LSM6: variants seen among roughly 807,000 people sequenced by gnomAD.
The protein encoded by LSM6 is LSM6 homolog, U6 small nuclear RNA and mRNA degradation associated, also known as U6 snRNA-associated Sm-like protein LSm6.
In LSM6, 2 loss-of-function variants were observed where a neutral mutation model predicts 13.5. That is an observed-to-expected ratio of 0.15 (90% CI 0.06 to 0.47). The LOEUF (loss-of-function observed/expected upper bound fraction) is 0.47, where lower values mean the gene tolerates loss of function less well. LSM6 is among the 20% of genes least tolerant of loss of function. LSM6 has a pLI of 0.97. For synonymous variants in LSM6, 43 were observed against 34.9 expected (o/e 1.23, Z -0.82); for missense variants, 58 against 96.4 (o/e 0.60, Z 1.67).
Position 146,189,713 on chromosome 4 carries a change from C to A in LSM6, c.*57C>A. 1 of 1,350,796 alleles carries A rather than the reference C, an allele frequency of 7.4e-7. No individual in the cohort carries two copies. The highest frequency in any genetic ancestry group is 1.0e-6 in the Non-Finnish European group (1 of 973,386). The allele number at this position is 1,350,796 out of a possible 1,614,324, so 83.7% of individuals were successfully genotyped here. A position where few individuals can be genotyped will look rare whatever the true frequency, so the allele number is the denominator to read the frequency against. ...GGATATATTTTTTTATGAATTTTTT[C>A]TAATTTTTGCTTCTTTTGTGATACA... On this transcript the variant is annotated 3_prime_UTR_variant, in exon 4 of 4. Coordinates refer to ENST00000296581, the MANE Select transcript of LSM6 (RefSeq NM_007080.3).
At chr4:146,186,976 T>C (rs919286022) in intron 2 of LSM6, among the ~76,000 whole-genome samples, 3 of 152,230 alleles carry the variant, frequency 2.0e-5, no homozygotes, top group Admixed American at 2.0e-4. Flanking sequence ...AATAGTCTTA[T>C]TCTCTTACTT....
chr4:146,189,735 TAC>T lies in LSM6; in HGVS notation c.*81_*82del, dbSNP rs1360614786. 2 of 1,025,016 alleles carry T rather than the reference TAC, an allele frequency of 2.0e-6. No homozygotes were observed. Among genetic ancestry groups the T allele is most frequent in the Non-Finnish European group, 2.9e-6 (2 of 678,350 alleles). The allele number at this position is 1,025,016 out of a possible 1,614,324, so 63.5% of individuals were successfully genotyped here. On this transcript the variant is annotated 3_prime_UTR_variant, in exon 4 of 4. Transcript: ENST00000296581. Reference sequence around the variant, plus strand: ...TTTCTAATTTTTGCTTCTTTTGTGATACAATTTGTCCTCTTTTTATAATAGTT... The same window carrying T: ...TTTCTAATTTTTGCTTCTTTTGTGATAATTTGTCCTCTTTTTATAATAGTT...
chr4:146,189,606 A>AT lies in LSM6; in HGVS notation c.209-9dup, dbSNP rs772689979. ...GGGTTTTTTAAATTTCAATTTATGT[A>AT]TTTTTTTCTTTTCAGTGTTGTACAT... On this transcript the variant is annotated splice_polypyrimidine_tract_variant and intron_variant, in intron 3 of 3. Coordinates refer to ENST00000296581, the MANE Select transcript of LSM6 (RefSeq NM_007080.3). 1.5e-5 allele frequency: 23 copies of AT among 1,563,294 alleles called. No homozygotes were observed. Among genetic ancestry groups the AT allele is most frequent in the East Asian group, 1.4e-4 (6 of 44,352 alleles).
intron 2 of LSM6, among the ~76,000 whole-genome samples, chr4:146,185,886 G>C (rs190091582): frequency 5.3e-5 from 8 of 152,046 alleles, no homozygotes; most frequent in Admixed American, 4.6e-4. Flanking sequence ...ACAGGCACCT[G>C]CCACCATGCC....
At chr4:146,177,597 T>G (rs1730139062) in intron 1 of LSM6, among the ~76,000 whole-genome samples, 1 of 152,190 alleles carries the variant, frequency 6.6e-6, no homozygotes, top group Non-Finnish European at 1.5e-5. Flanking sequence ...TCTTTAAAAC[T>G]CCTCACTTTA....
intron 1 of LSM6, among the ~76,000 whole-genome samples, chr4:146,179,242 A>T (rs952607815): frequency 6.6e-6 from 1 of 152,232 alleles, no homozygotes; most frequent in African/African-American, 2.4e-5. Flanking sequence ...GACCCTGAAG[A>T]AAGGTCTTTT....
intron 1 of LSM6, among the ~76,000 whole-genome samples, chr4:146,178,682 A>G (rs1730165962): frequency 6.6e-6 from 1 of 152,260 alleles, no homozygotes; most frequent in Admixed American, 6.5e-5. Context: ...GCTCAGTGGC[A>G]TAACTCAAAT....
rs964104485 is a variant in LSM6, at chr4:146,191,070, C to A, written c.*1414C>A. 1 of 152,162 alleles carries A rather than the reference C, an allele frequency of 6.6e-6. No individual in the cohort carries two copies. The highest frequency in any genetic ancestry group is 2.4e-5 in the African/African-American group (1 of 41,432). The allele number at this position is 152,162 out of a possible 1,614,324, so 9.4% of individuals were successfully genotyped here. ...ATTTCACAGGGTTTTACCGTGTGCACACTGAAAATAAAACACTTTATGCTA... is the reference window on the plus strand; with the variant it reads ...ATTTCACAGGGTTTTACCGTGTGCAAACTGAAAATAAAACACTTTATGCTA... On this transcript the variant is annotated 3_prime_UTR_variant, in exon 4 of 4. Transcript: ENST00000296581.
intron 1 of LSM6, among the ~76,000 whole-genome samples, chr4:146,180,340 T>A (rs1358547208): frequency 6.6e-6 from 1 of 152,194 alleles, no homozygotes; most frequent in African/African-American, 2.4e-5. Context: ...ACTTGACAGG[T>A]GCTCCGTGAA....
At chr4:146,181,887 G>A (rs1730240631) in intron 1 of LSM6, among the ~76,000 whole-genome samples, 2 of 152,206 alleles carry the variant, frequency 1.3e-5, no homozygotes, top group African/African-American at 4.8e-5. Context: ...TTTGAAAGGA[G>A]TGATGTGCAG....
At chr4:146,179,023 A>G (rs1029469948) in intron 1 of LSM6, among the ~76,000 whole-genome samples, 1 of 152,226 alleles carries the variant, frequency 6.6e-6, no homozygotes, top group Non-Finnish European at 1.5e-5. Flanking sequence ...CTTTTACCAA[A>G]AAGAAAAAAA....
chr4:146,187,980 T>C lies in LSM6; in HGVS notation c.208+593T>C, dbSNP rs535625914. On this transcript the variant is annotated intron_variant, in intron 3 of 3. Transcript: ENST00000296581. ...TATTTTTGGTGGGGAGGGAAAGATATCAGAATTATGAGAATTACCCCACTT... is the reference window on the plus strand; with the variant it reads ...TATTTTTGGTGGGGAGGGAAAGATACCAGAATTATGAGAATTACCCCACTT... 7.2e-5 allele frequency among the ~76,000 whole-genome samples: 11 copies of C among 152,322 alleles called. No individual in the cohort carries two copies. In the South Asian group the frequency reaches 1.5e-3, roughly 20 times the overall value.
At chr4:146,181,447 TA>T (rs1730229183) in intron 1 of LSM6, 1 of 152,330 alleles carries the variant, frequency 6.6e-6, no homozygotes, top group African/African-American at 2.4e-5. Context: ...CATGTACATG[TA>T]ATTTGTTGAG....
chr4:146,182,773 G>A (rs112021709), intron 1 of LSM6, 139 bp from the exon 2 acceptor site: 3 of 577,786 alleles, frequency 5.2e-6, no homozygotes, highest in African/African-American at 1.9e-5. Flanking sequence ...TCATGTAGTA[G>A]CAGTGGAGTA....
rs542139047 is a variant in LSM6, at chr4:146,185,508, CAA to C, written c.95-1751_95-1750del. 7.9e-4 allele frequency among the ~76,000 whole-genome samples: 78 copies of C among 98,454 alleles called. 3 individuals carry two copies. Among genetic ancestry groups the C allele is most frequent in the Admixed American group, 6.9e-3 (64 of 9,270 alleles). The allele number at this position is 98,454 out of a possible 152,430, so 64.6% of individuals were successfully genotyped here. ...ACCCCAAAGCAAAACAACAACATACCAAAAAAAAAAAAAAAAGAAAAACTCCA... is the reference window on the plus strand; with the variant it reads ...ACCCCAAAGCAAAACAACAACATACCAAAAAAAAAAAAAAGAAAAACTCCA... On this transcript the variant is annotated intron_variant, in intron 2 of 3. Transcript: ENST00000296581.
intron 2 of LSM6, among the ~76,000 whole-genome samples, chr4:146,185,320 C>T (rs984949130): frequency 1.3e-5 from 2 of 151,914 alleles, no homozygotes; most frequent in African/African-American, 4.8e-5. Context: ...CATATATTTT[C>T]TTTGTTTACT....
intron 2 of LSM6, among the ~76,000 whole-genome samples, chr4:146,184,249 G>C (rs989123618): frequency 6.6e-6 from 1 of 152,158 alleles, no homozygotes; most frequent in Non-Finnish European, 1.5e-5. Flanking sequence ...CCAAACACCT[G>C]AATTTTGGAG....
chr4:146,189,321 C>T (rs1358799788), intron 3 of LSM6, among the ~76,000 whole-genome samples: 1 of 152,184 alleles, frequency 6.6e-6, no homozygotes, highest in Admixed American at 6.5e-5. Flanking sequence ...ATACTTCTAA[C>T]TATAAAGCAT....
chr4:146,182,787 C>G, intron 1 of LSM6, 125 bp from the exon 2 acceptor site: 1 of 607,554 alleles, frequency 1.6e-6, no homozygotes, highest in South Asian at 1.9e-5. Context: ...TGGAGTAATA[C>G]GCGTCTTCTC....
Sources: gnomAD v4.1 joint callset for allele counts (sites outside exome capture counted in the v4.1 genomes callset) on GRCh38, gnomAD v4.1.1 for gene constraint, MANE v1.5 for transcripts, NCBI Gene and HGNC (gene_info 2026-07-23, HGNC 2026-07-21) for gene names.